The following AK8 variants were observed in gnomAD, a reference collection of about 807,000 sequenced individuals.
The protein encoded by AK8 is adenylate kinase 8.
Under a neutral mutation model 54.6 loss-of-function variants are expected in AK8, and 44 were observed. The ratio of observed to expected loss-of-function variants is 0.81; its 90% CI spans 0.63 to 1.04. The LOEUF (loss-of-function observed/expected upper bound fraction) is 1.04, where lower values mean the gene tolerates loss of function less well. Ranked by LOEUF, AK8 falls within the 50% of genes least tolerant of loss-of-function variation. The pLI, the probability that AK8 is intolerant of heterozygous loss-of-function variation, is 0.00. For missense variants in AK8, 555 were observed against 613.6 expected (o/e 0.90, Z 1.01); for synonymous variants, 239 against 245.6 (o/e 0.97, Z 0.25).
intron 10 of AK8, among the ~76,000 whole-genome samples, chr9:132,805,117 C>G (rs937153383): frequency 1.3e-5 from 2 of 152,228 alleles, no homozygotes; most frequent in African/African-American, 4.8e-5. Flanking sequence ...CAGGGTCAGG[C>G]CTGTCAGAGA....
chr9:132,867,615 C>T (rs931966849), intron 2 of AK8, among the ~76,000 whole-genome samples: 2 of 152,214 alleles, frequency 1.3e-5, no homozygotes, highest in African/African-American at 4.8e-5. Flanking sequence ...TGGGCTCACC[C>T]GGCAGGTGAA....
intron 4 of AK8, among the ~76,000 whole-genome samples, chr9:132,858,352 C>G (rs1433633335): frequency 6.6e-6 from 1 of 152,262 alleles, no homozygotes; most frequent in African/African-American, 2.4e-5. Flanking sequence ...GGCTCTGCCC[C>G]TGGGGCGTCA....
At chr9:132,833,878 G>C (rs1588188235) in intron 5 of AK8, among the ~76,000 whole-genome samples, 1 of 152,358 alleles carries the variant, frequency 6.6e-6, no homozygotes, top group African/African-American at 2.4e-5. Context: ...ACTTCACATG[G>C]GAAGGCTCTG....
intron 5 of AK8, among the ~76,000 whole-genome samples, chr9:132,853,971 GA>G (rs1262476215): frequency 9.9e-5 from 15 of 151,686 alleles, no homozygotes; most frequent in Admixed American, 5.3e-4. Flanking sequence ...TCTAAATTCA[GA>G]AAAAAATATA....
chr9:132,763,044 G>A (rs1004995866), intron 11 of AK8, among the ~76,000 whole-genome samples: 13 of 152,114 alleles, frequency 8.5e-5, no homozygotes, highest in Non-Finnish European at 1.8e-4. Flanking sequence ...CTCACCACTG[G>A]GGTCCTCACA....
intron 5 of AK8, among the ~76,000 whole-genome samples, chr9:132,839,704 C>T (rs1340036678): frequency 6.6e-6 from 1 of 151,690 alleles, no homozygotes; most frequent in East Asian, 1.9e-4. Context: ...ACACTGTGAA[C>T]AGAATGCAGA....
chr9:132,870,933 C>T (rs1459634674), intron 2 of AK8, among the ~76,000 whole-genome samples: 1 of 152,236 alleles, frequency 6.6e-6, no homozygotes, highest in Non-Finnish European at 1.5e-5. Context: ...TGATTCGAGG[C>T]TTCTCCCACT....
chr9:132,843,420 T>C (rs931445231), intron 5 of AK8, among the ~76,000 whole-genome samples: 1 of 152,168 alleles, frequency 6.6e-6, no homozygotes, highest in Non-Finnish European at 1.5e-5. Context: ...GCTTCTCTTA[T>C]AGCCTGCGGA....
Position 132,726,102 on chromosome 9 carries a change from C to G in AK8, c.1203-177G>C, listed in dbSNP as rs143987337. On this transcript the variant is annotated intron_variant, in intron 12 of 12. Coordinates refer to ENST00000298545, the MANE Select transcript of AK8 (RefSeq NM_152572.3). ...CTTTGACTGATGGGCCCTGGAGCTA[C>G]AGAGAGATCCAAGATGTGCTCCCCG... 2.6e-4 allele frequency among the ~76,000 whole-genome samples: 40 copies of G among 152,234 alleles called. No homozygotes were observed. The East Asian group carries it at 7.1e-3, about 27-fold the overall frequency.
chr9:132,733,640 T>C (rs1331655749), intron 11 of AK8, among the ~76,000 whole-genome samples: 1 of 152,246 alleles, frequency 6.6e-6, no homozygotes, highest in African/African-American at 2.4e-5. Context: ...CTGATTATCC[T>C]GGCTCATTGC....
At chr9:132,773,350 G>A (rs1428438719) in intron 11 of AK8, among the ~76,000 whole-genome samples, 1 of 152,012 alleles carries the variant, frequency 6.6e-6, no homozygotes, top group Non-Finnish European at 1.5e-5. Context: ...GTCCTCTCCA[G>A]CCTTCCTGGA....
rs1222262543 is a variant in AK8 at position 132,860,951 on chromosome 9, T to C, written c.333+2714A>G. Among the ~76,000 whole-genome samples the C allele has an allele frequency of 4.6e-5, 7 of 152,160 alleles. No individual in the cohort carries two copies. Among genetic ancestry groups the C allele is most frequent in the Non-Finnish European group, 1.0e-4 (7 of 68,030 alleles). On this transcript the variant is annotated intron_variant, in intron 4 of 12. Coordinates refer to ENST00000298545, the MANE Select transcript of AK8 (RefSeq NM_152572.3). This position sits in a 1 kb window ranked among gnomAD's most constrained non-coding sequence, Gnocchi z 4.4. ...TGGGGAAGGTCAAATGCTGTCTGGG[T>C]TTGCTTTAAAATAACCCAGGGCAGG...
At chr9:132,797,310 A>G (rs929131300) in intron 10 of AK8, among the ~76,000 whole-genome samples, 17 of 151,824 alleles carry the variant, frequency 1.1e-4, no homozygotes, top group South Asian at 2.1e-4. Context: ...GGAAGGAAGG[A>G]AGGGAGGGAG....
chr9:132,757,799 T>C (rs1838262177), intron 11 of AK8, among the ~76,000 whole-genome samples: 3 of 152,126 alleles, frequency 2.0e-5, no homozygotes, highest in Admixed American at 6.5e-5. Context: ...GTGGGTAATA[T>C]AGCCATTCCT....
At chr9:132,789,832 ATC>A (rs1839871025) in intron 11 of AK8, among the ~76,000 whole-genome samples, 1 of 151,776 alleles carries the variant, frequency 6.6e-6, no homozygotes, top group Non-Finnish European at 1.5e-5. Context: ...ATGCTTAGAA[ATC>A]TCTCTGACTT....
chr9:132,762,360 T>C (rs1838519215), intron 11 of AK8, among the ~76,000 whole-genome samples: 1 of 152,200 alleles, frequency 6.6e-6, no homozygotes, highest in African/African-American at 2.4e-5. Flanking sequence ...TTTCAACTGT[T>C]CTTCTTTTGA....
chr9:132,819,088 C>T (rs915924930), intron 9 of AK8, among the ~76,000 whole-genome samples: 5 of 152,170 alleles, frequency 3.3e-5, no homozygotes, highest in Non-Finnish European at 7.3e-5. Context: ...TAACATATAA[C>T]TATCCTTACT....
rs747071372 is a variant in AK8 at position 132,799,466 on chromosome 9, C to T, written c.980-6691G>A. Among the ~76,000 whole-genome samples the T allele has an allele frequency of 3.2e-4, 48 of 152,094 alleles. No homozygotes were observed. The highest frequency in any genetic ancestry group is 6.2e-4 in the South Asian group (3 of 4,826). On this transcript the variant is annotated intron_variant, in intron 10 of 12. Coordinates refer to ENST00000298545, the MANE Select transcript of AK8 (RefSeq NM_152572.3). The surrounding 1 kb of genome is among the most constrained non-coding windows in gnomAD (Gnocchi z 5.0). ...CACACCCTTGCACATGCCCTGCACA[C>T]GTCACCCCTCCATGCACACTCATAA...
At chr9:132,775,863 T>C (rs1331080946) in intron 11 of AK8, among the ~76,000 whole-genome samples, 1 of 152,260 alleles carries the variant, frequency 6.6e-6, no homozygotes, top group Non-Finnish European at 1.5e-5. Flanking sequence ...AGAAATTCAC[T>C]GTATTTTTAT....
Sources: gnomAD v4.1 joint callset for allele counts (sites outside exome capture counted in the v4.1 genomes callset) on GRCh38, gnomAD v4.1.1 for gene constraint, Gnocchi (gnomAD v3.1) non-coding constraint, MANE v1.5 for transcripts, NCBI Gene and HGNC (gene_info 2026-07-23, HGNC 2026-07-21) for gene names.